The following AMOTL1 variants were observed in gnomAD, a reference collection of about 807,000 sequenced individuals.
The protein encoded by AMOTL1 is angiomotin-like protein 1.
Under a neutral mutation model 102.9 loss-of-function variants are expected in AMOTL1, and 45 were observed. The ratio of observed to expected loss-of-function variants is 0.44; its 90% CI spans 0.34 to 0.56. AMOTL1 has a LOEUF of 0.56. AMOTL1 is among the 20% of genes least tolerant of loss of function. The pLI is 0.01. For missense variants in AMOTL1, 1,114 were observed against 1,225.6 expected (o/e 0.91, Z 1.36); for synonymous variants, 481 against 484.7 (o/e 0.99, Z 0.10).
rs145547554 is a variant in AMOTL1, at chr11:94,848,194, C to T, written c.1649-1920C>T. ...CAGGGCTGTGGATGGGGACGGGCAG[C>T]GCTAGTGGGCTGCTACTGACCCCTT... On this transcript the variant is annotated intron_variant, in intron 6 of 12. Coordinates refer to ENST00000433060, the MANE Select transcript of AMOTL1 (RefSeq NM_130847.3). Among the ~76,000 whole-genome samples, 738 of 152,286 alleles carry T rather than the reference C, an allele frequency of 4.8e-3. 6 individuals carry two copies. The highest frequency in any genetic ancestry group is 0.017 in the African/African-American group (702 of 41,548).
chr11:94,864,905 A>G, intron 10 of AMOTL1, 45 bp downstream of exon 10: 1 of 1,588,488 alleles, frequency 6.3e-7, no homozygotes, highest in Non-Finnish European at 8.6e-7. Context: ...CTGCATTCAC[A>G]CTCCAGGCCT....
intron 11 of AMOTL1, chr11:94,866,820 CG>C (rs1471971219): frequency 6.5e-6 from 1 of 153,852 alleles, no homozygotes; most frequent in African/African-American, 2.4e-5. Context: ...AGTGCTCTCT[CG>C]CATAAGGTAG....
intron 1 of AMOTL1, among the ~76,000 whole-genome samples, chr11:94,728,169 C>T (rs1323390042): frequency 6.6e-6 from 1 of 152,080 alleles, no homozygotes; most frequent in East Asian, 1.9e-4. Context: ...ACATGCAGAG[C>T]GTTATCAAGA....
chr11:94,729,050 G>C (rs1282878661), exon 2 of AMOTL1: 2 of 1,288,984 alleles, frequency 1.6e-6, no homozygotes, highest in Non-Finnish European at 2.0e-6. Context: ...GCCAGCACCA[G>C]AGCGGGTAAG....
intron 3 of AMOTL1, among the ~76,000 whole-genome samples, chr11:94,810,382 C>A (rs370803735): frequency 6.6e-6 from 1 of 151,570 alleles, no homozygotes; most frequent in Non-Finnish European, 1.5e-5. Flanking sequence ...GACCACGTGA[C>A]GCTTTCATAG....
chr11:94,857,003 C>T (rs1293257224), intron 8 of AMOTL1, among the ~76,000 whole-genome samples: 1 of 152,054 alleles, frequency 6.6e-6, no homozygotes, highest in Non-Finnish European at 1.5e-5. Flanking sequence ...AGGGCTGGTA[C>T]GCTGAGGATG....
At chr11:94,864,535 C>T (rs1056757488) in intron 9 of AMOTL1, among the ~76,000 whole-genome samples, 200 bp from the exon 10 acceptor site, 1 of 152,182 alleles carries the variant, frequency 6.6e-6, no homozygotes, top group Admixed American at 6.5e-5. Context: ...CAAGCATTTA[C>T]ACCTTTCTCT....
At position 94,768,472 on chromosome 11, in the gene AMOTL1, T is replaced by C. The variant is rs1480497163; in HGVS notation, c.-40T>C. 4.5e-6 allele frequency: 7 copies of C among 1,568,980 alleles called. No homozygotes were observed. In the African/African-American group the frequency reaches 5.4e-5, roughly 12 times the overall value. On this transcript the variant is annotated 5_prime_UTR_variant, in exon 1 of 13. Coordinates refer to ENST00000433060, the MANE Select transcript of AMOTL1 (RefSeq NM_130847.3). ...ACTTCCCCGCGCTGCCCGGCAGCCGTCTTCCCCAGCCGAGGGACTGAACTA... is the reference window on the plus strand; with the variant it reads ...ACTTCCCCGCGCTGCCCGGCAGCCGCCTTCCCCAGCCGAGGGACTGAACTA...
At chr11:94,822,404 G>A (rs1176786043) in intron 4 of AMOTL1, among the ~76,000 whole-genome samples, 1 of 152,154 alleles carries the variant, frequency 6.6e-6, no homozygotes, top group East Asian at 1.9e-4. Context: ...TCCAGCCTGA[G>A]TGACAGAGTG....
chr11:94,788,911 C>T (rs1031319243), intron 1 of AMOTL1, among the ~76,000 whole-genome samples: 7 of 152,130 alleles, frequency 4.6e-5, no homozygotes, highest in Admixed American at 1.3e-4. Flanking sequence ...AAATAGGTGT[C>T]GGGGTCTTGA....
chr11:94,768,189 G>C, upstream of AMOTL1: 1 of 863,810 alleles, frequency 1.2e-6, no homozygotes, highest in South Asian at 5.3e-5. Context: ...GGCAATTTCA[G>C]CCTGGCAGTC....
At chr11:94,717,781 T>C (rs1950118039) in intron 1 of AMOTL1, among the ~76,000 whole-genome samples, 3 of 151,422 alleles carry the variant, frequency 2.0e-5, no homozygotes, top group Admixed American at 6.6e-5. Context: ...AGAAAAAAGA[T>C]CAAAATATAC....
At chr11:94,852,814 TAAG>T (rs1013142825) in intron 7 of AMOTL1, among the ~76,000 whole-genome samples, 3 of 152,214 alleles carry the variant, frequency 2.0e-5, no homozygotes, top group African/African-American at 7.2e-5. Flanking sequence ...ATAACTGTAA[TAAG>T]AAAAATTTTT....
intron 2 of AMOTL1, among the ~76,000 whole-genome samples, chr11:94,797,822 G>C (rs1437827833): frequency 2.6e-5 from 4 of 152,204 alleles, no homozygotes; most frequent in African/African-American, 4.8e-5. Flanking sequence ...GTTGGGAGCA[G>C]CATGAAATGT....
In AMOTL1 at chr11:94,800,249, G is replaced by T; in HGVS notation, c.1059G>T (p.Gln353His). 6.2e-7 allele frequency: 1 copy of T among 1,613,950 alleles called. No homozygotes were observed. The highest frequency in any genetic ancestry group is 8.5e-7 in the Non-Finnish European group (1 of 1,179,868). The change falls in exon 3 of 13, where the codon CAG (glutamine) becomes CAT (histidine). Residue 353 changes from glutamine (Q) to histidine (H), a missense_variant. Coordinates refer to ENST00000433060, the MANE Select transcript of AMOTL1 (RefSeq NM_130847.3). ...HEMVKPYPAP[Q>H]PVRTDVAVLR... ...TGGTCAAGCCCTACCCTGCTCCTCA[G>T]CCTGTGAGAACAGATGTGGCCGTCC...
At chr11:94,736,729 A>G (rs1263922241) in intron 2 of AMOTL1, among the ~76,000 whole-genome samples, 1 of 152,210 alleles carries the variant, frequency 6.6e-6, no homozygotes, top group African/African-American at 2.4e-5. Flanking sequence ...AAACTTGTGC[A>G]CTGTTTATTA....
Position 94,798,149 on chromosome 11 carries a change from G to A in AMOTL1, c.200-1241G>A, listed in dbSNP as rs184128433. ...CTGCCTCTTCCCGCCTGGGGGCCTC[G>A]GCAATTTACCTTCTGTGAACATCTC... On this transcript the variant is annotated intron_variant, in intron 2 of 12. Coordinates refer to ENST00000433060, the MANE Select transcript of AMOTL1 (RefSeq NM_130847.3). Among the ~76,000 whole-genome samples the A allele has an allele frequency of 5.9e-5, 9 of 152,266 alleles. No homozygotes were observed. The East Asian group carries it at 1.4e-3, about 23-fold the overall frequency.
intron 2 of AMOTL1, among the ~76,000 whole-genome samples, chr11:94,734,811 A>T (rs556518640): frequency 6.6e-6 from 1 of 152,354 alleles, no homozygotes; most frequent in South Asian, 2.1e-4. Flanking sequence ...GACTCAGCTC[A>T]GCTCACTTCT....
intron 2 of AMOTL1, among the ~76,000 whole-genome samples, chr11:94,797,444 G>A (rs1400364157): frequency 6.6e-6 from 1 of 152,214 alleles, no homozygotes; most frequent in Admixed American, 6.5e-5. Flanking sequence ...CAGGCATTGG[G>A]CTTTGTTTTG....
Sources: gnomAD v4.1 joint callset for allele counts (sites outside exome capture counted in the v4.1 genomes callset) on GRCh38, gnomAD v4.1.1 for gene constraint, MANE v1.5 for transcripts, NCBI Gene and HGNC (gene_info 2026-07-23, HGNC 2026-07-21) for gene names.